TTC28: variants seen among roughly 807,000 people sequenced by gnomAD.
The protein encoded by TTC28 is tetratricopeptide repeat protein 28.
Under a neutral mutation model 198.0 loss-of-function variants are expected in TTC28, and 61 were observed. The ratio of observed to expected loss-of-function variants is 0.31; its 90% CI spans 0.25 to 0.38. The LOEUF (loss-of-function observed/expected upper bound fraction) is 0.38, where lower values mean the gene tolerates loss of function less well. Ranked by LOEUF, TTC28 falls within the 10% of genes least tolerant of loss-of-function variation. The pLI is 1.00. For missense variants in TTC28, 2,678 were observed against 3,164.0 expected (o/e 0.85, Z 3.69); for synonymous variants, 1,171 against 1,297.8 (o/e 0.90, Z 2.10).
In TTC28 at chr22:28,238,983, C is replaced by T. The variant is rs757909696; in HGVS notation, c.933+57215G>A. Among the ~76,000 whole-genome samples, 8 of 152,150 alleles carry T rather than the reference C, an allele frequency of 5.3e-5. 1 individual carries two copies. The highest frequency in any genetic ancestry group is 1.2e-4 in the Non-Finnish European group (8 of 68,022). The stretch of plus-strand genomic sequence containing the variant: ...GTGCTCTATGAGGTTCCTCTCCTTA[C>T]GACATGACCTGCAAAGTATTCTAGG... On this transcript the variant is annotated intron_variant, in intron 5 of 22. Coordinates refer to ENST00000397906, the MANE Select transcript of TTC28 (RefSeq NM_001145418.2).
At chr22:28,675,735 TCACACACACACACACACACACA>T (rs71316854) in intron 1 of TTC28, among the ~76,000 whole-genome samples, 2 of 135,118 alleles carry the variant, frequency 1.5e-5, no homozygotes, top group African/African-American at 2.8e-5. Flanking sequence ...TGAAACCCTG[TCACACACACACACACACACACA>T]CACACACACA....
intron 6 of TTC28, among the ~76,000 whole-genome samples, chr22:28,114,606 G>T (rs1293549381): frequency 2.7e-5 from 4 of 149,560 alleles, no homozygotes; most frequent in African/African-American, 4.9e-5. Flanking sequence ...TTGAGACAGG[G>T]TCCCACTCTG....
chr22:28,366,246 T>C (rs1375521071), intron 2 of TTC28, among the ~76,000 whole-genome samples: 3 of 152,206 alleles, frequency 2.0e-5, no homozygotes, highest in Non-Finnish European at 4.4e-5. Flanking sequence ...AGATTTCCTA[T>C]AGCCCATATG....
At chr22:28,215,135 G>A (rs1225350592) in intron 5 of TTC28, among the ~76,000 whole-genome samples, 1 of 152,174 alleles carries the variant, frequency 6.6e-6, no homozygotes, top group Non-Finnish European at 1.5e-5. Flanking sequence ...CCTGTGGTGG[G>A]GTTGGGGGAG....
rs990404432 is a variant in TTC28 at position 28,627,123 on chromosome 22, C to G, written c.381+2429G>C. Among the ~76,000 whole-genome samples, 8 of 151,934 alleles carry G rather than the reference C, an allele frequency of 5.3e-5. No individual in the cohort carries two copies. In the East Asian group the frequency reaches 9.7e-4, roughly 18 times the overall value. On this transcript the variant is annotated intron_variant, in intron 2 of 22. Transcript: ENST00000397906. The stretch of plus-strand genomic sequence containing the variant: ...TTACAGGTTTAAAGAGAGAGAGAGA[C>G]AGAGGCAGATATATATGCAAAACCT...
intron 2 of TTC28, among the ~76,000 whole-genome samples, chr22:28,557,194 T>A (rs1042173025): frequency 6.6e-6 from 1 of 152,250 alleles, no homozygotes; most frequent in South Asian, 2.1e-4. Context: ...TCTATATCTA[T>A]AAATTCAAGT....
chr22:28,105,830 G>A, intron 7 of TTC28, 28 bp from the exon 8 acceptor site: 1 of 1,521,608 alleles, frequency 6.6e-7, no homozygotes, highest in Non-Finnish European at 8.8e-7. Flanking sequence ...GAAAAGCAAT[G>A]ATATTATTTC....
intron 2 of TTC28, among the ~76,000 whole-genome samples, chr22:28,594,958 A>G (rs2050513061): frequency 6.6e-6 from 1 of 152,172 alleles, no homozygotes; most frequent in South Asian, 2.1e-4. Context: ...TGAGAAAATA[A>G]TATCAGAGTG....
chr22:28,538,911 G>C (rs559913495), intron 2 of TTC28, among the ~76,000 whole-genome samples: 2 of 152,274 alleles, frequency 1.3e-5, no homozygotes, highest in East Asian at 3.9e-4. Context: ...TAATCAAAAA[G>C]TGAATATTTT....
At chr22:28,205,370 C>CA (rs1057175717) in intron 5 of TTC28, among the ~76,000 whole-genome samples, 4 of 152,058 alleles carry the variant, frequency 2.6e-5, no homozygotes, top group African/African-American at 9.7e-5. Context: ...TGGTGCAGCA[C>CA]AGTCATTAAT....
intron 6 of TTC28, among the ~76,000 whole-genome samples, chr22:28,146,784 T>G (rs904207786): frequency 3.3e-5 from 5 of 152,142 alleles, no homozygotes; most frequent in African/African-American, 1.2e-4. Flanking sequence ...TCTGACAATC[T>G]GGCTCAAGAA....
At chr22:27,995,786 TGTC>T (rs2146532941) in intron 17 of TTC28, among the ~76,000 whole-genome samples, 1 of 152,292 alleles carries the variant, frequency 6.6e-6, no homozygotes, top group East Asian at 1.9e-4. Context: ...TGTGGGTCAC[TGTC>T]GTCGGCTGCC....
intron 5 of TTC28, among the ~76,000 whole-genome samples, chr22:28,289,924 T>G (rs2044755737): frequency 6.6e-6 from 1 of 151,958 alleles, no homozygotes; most frequent in Non-Finnish European, 1.5e-5. Flanking sequence ...TTTGGGAGGC[T>G]GAGGCAGGAG....
At chr22:28,387,098 G>C (rs2046618552) in intron 2 of TTC28, among the ~76,000 whole-genome samples, 1 of 151,998 alleles carries the variant, frequency 6.6e-6, no homozygotes, top group Non-Finnish European at 1.5e-5. Flanking sequence ...GCGGTGTTTG[G>C]TTTTTTGTTC....
intron 1 of TTC28, among the ~76,000 whole-genome samples, chr22:28,639,712 T>G (rs2051332135): frequency 6.6e-6 from 1 of 152,208 alleles, no homozygotes; most frequent in African/African-American, 2.4e-5. Context: ...ACCATGATTG[T>G]GAGGACTCCA....
intron 12 of TTC28, among the ~76,000 whole-genome samples, chr22:28,042,466 A>C (rs1335178637): frequency 6.6e-6 from 1 of 152,156 alleles, no homozygotes; most frequent in Non-Finnish European, 1.5e-5. Context: ...CATTCTAAGC[A>C]AACTATCGCA....
intron 2 of TTC28, among the ~76,000 whole-genome samples, chr22:28,308,056 A>G (rs2045181036): frequency 6.6e-6 from 1 of 152,180 alleles, no homozygotes; most frequent in Non-Finnish European, 1.5e-5. Context: ...ACAATCCATA[A>G]ACAGAATGAA....
chr22:28,321,248 A>G (rs1056334815), intron 2 of TTC28, among the ~76,000 whole-genome samples: 1 of 152,210 alleles, frequency 6.6e-6, no homozygotes, highest in African/African-American at 2.4e-5. Flanking sequence ...TGTTTGGTTC[A>G]ATAATAATAC....
chr22:28,606,470 T>C (rs1026952295), intron 2 of TTC28, among the ~76,000 whole-genome samples: 3 of 152,178 alleles, frequency 2.0e-5, no homozygotes, highest in African/African-American at 7.2e-5. Flanking sequence ...CATGTGTTTA[T>C]GTGTATAAAG....
Sources: gnomAD v4.1 joint callset for allele counts (sites outside exome capture counted in the v4.1 genomes callset) on GRCh38, gnomAD v4.1.1 for gene constraint, MANE v1.5 for transcripts, NCBI Gene and HGNC (gene_info 2026-07-23, HGNC 2026-07-21) for gene names.